The following KAZN variants were observed in gnomAD, a reference collection of about 807,000 sequenced individuals.
KAZN encodes kazrin, periplakin interacting protein, also known as kazrin.
A neutral mutation model predicts 87.4 loss-of-function variants in KAZN; 40 were observed. The ratio of observed to expected loss-of-function variants is 0.46; its 90% CI spans 0.36 to 0.60. The LOEUF is 0.60. KAZN is among the 20% of genes least tolerant of loss of function. The pLI is 0.00. For missense variants in KAZN, 898 were observed against 1,073.9 expected (o/e 0.84, Z 2.29); for synonymous variants, 466 against 458.3 (o/e 1.02, Z -0.22).
intron 2 of KAZN, among the ~76,000 whole-genome samples, chr1:14,254,740 C>T (rs1650350338): frequency 6.6e-6 from 1 of 151,942 alleles, no homozygotes; most frequent in South Asian, 2.1e-4. Context: ...AATTGGCTTA[C>T]GTTTCTGCAG....
At chr1:14,918,260 G>A (rs1379753646) in intron 1 of KAZN, among the ~76,000 whole-genome samples, 1 of 152,134 alleles carries the variant, frequency 6.6e-6, no homozygotes, top group Non-Finnish European at 1.5e-5. Flanking sequence ...AAGAGACTGT[G>A]GCTTCCATCT....
intron 2 of KAZN, among the ~76,000 whole-genome samples, chr1:14,242,853 G>A (rs574340422): frequency 2.6e-5 from 4 of 152,158 alleles, no homozygotes; most frequent in South Asian, 4.2e-4. Context: ...GTAGAATCCC[G>A]GCCCTTGTCC....
At chr1:14,134,389 C>G (rs572084711) in intron 1 of KAZN, among the ~76,000 whole-genome samples, 1 of 152,230 alleles carries the variant, frequency 6.6e-6, no homozygotes, top group Non-Finnish European at 1.5e-5. Flanking sequence ...GTGCAATGGA[C>G]AAGGTATTTT....
At chr1:14,717,555 A>G (rs1196169710) in intron 1 of KAZN, among the ~76,000 whole-genome samples, 1 of 152,096 alleles carries the variant, frequency 6.6e-6, no homozygotes, top group Non-Finnish European at 1.5e-5. Flanking sequence ...CCTGTCTCAT[A>G]GAAGAACACG....
intron 2 of KAZN, among the ~76,000 whole-genome samples, chr1:14,998,937 A>G (rs958240228): frequency 6.6e-6 from 1 of 152,236 alleles, no homozygotes; most frequent in African/African-American, 2.4e-5. Flanking sequence ...ACAGGCTGTC[A>G]GGCTCAAGGA....
intron 1 of KAZN, among the ~76,000 whole-genome samples, chr1:14,904,516 G>A (rs762868713): frequency 6.6e-6 from 1 of 152,134 alleles, no homozygotes; most frequent in Non-Finnish European, 1.5e-5. Context: ...TGTAAGATGC[G>A]GGACGTCCCC....
At chr1:14,743,608 G>A (rs575469031) in intron 1 of KAZN, among the ~76,000 whole-genome samples, 18 of 152,164 alleles carry the variant, frequency 1.2e-4, no homozygotes, top group African/African-American at 2.6e-4. Flanking sequence ...ATAGGTCATC[G>A]CTGGCATTTG....
At chr1:14,078,419 A>G (rs949690228) in intron 1 of KAZN, among the ~76,000 whole-genome samples, 16 of 152,176 alleles carry the variant, frequency 1.1e-4, no homozygotes, top group African/African-American at 3.1e-4. Flanking sequence ...CAGTTTCCCT[A>G]TCTTAAAAAT....
At chr1:14,507,978 T>TTAA (rs1553181516) in intron 2 of KAZN, among the ~76,000 whole-genome samples, 2 of 91,370 alleles carry the variant, frequency 2.2e-5, no homozygotes, top group East Asian at 4.7e-4. Context: ...AAAAAATAAA[T>TTAA]AAAAAAAAAA....
At chr1:14,299,256 C>T (rs1313562930) in intron 2 of KAZN, among the ~76,000 whole-genome samples, 1 of 152,006 alleles carries the variant, frequency 6.6e-6, no homozygotes, top group Non-Finnish European at 1.5e-5. Context: ...TAATCCCAGC[C>T]CTTTGGGAGG....
At chr1:15,109,755 GTTTGTGTC>G (rs1641429403) in intron 13 of KAZN, among the ~76,000 whole-genome samples, 2 of 126,564 alleles carry the variant, frequency 1.6e-5, no homozygotes, top group Non-Finnish European at 3.4e-5. Flanking sequence ...GTGTTTGTAT[GTTTGTGTC>G]TGTATGTCTG....
intron 1 of KAZN, among the ~76,000 whole-genome samples, chr1:14,644,823 A>G (rs1163479181): frequency 6.6e-6 from 1 of 151,946 alleles, no homozygotes; most frequent in Non-Finnish European, 1.5e-5. Context: ...CCATTTGTCA[A>G]TTTTTGCTTT....
chr1:14,319,541 G>A (rs974202367), intron 2 of KAZN, among the ~76,000 whole-genome samples: 1 of 152,140 alleles, frequency 6.6e-6, no homozygotes, highest in Non-Finnish European at 1.5e-5. Flanking sequence ...TTTTTCTGTA[G>A]AGCCCCGTTC....
At chr1:14,931,650 G>C (rs1057225788) in intron 1 of KAZN, among the ~76,000 whole-genome samples, 3 of 152,146 alleles carry the variant, frequency 2.0e-5, no homozygotes, top group African/African-American at 7.2e-5. Context: ...CAAGTACCCT[G>C]CGTAATTTTG....
At chr1:14,096,660 G>A (rs577430323) in intron 1 of KAZN, among the ~76,000 whole-genome samples, 2 of 152,328 alleles carry the variant, frequency 1.3e-5, no homozygotes, top group East Asian at 3.9e-4. Flanking sequence ...TCAGAATATA[G>A]GAGAGGGCAC....
intron 2 of KAZN, among the ~76,000 whole-genome samples, chr1:14,344,911 C>T (rs947589940): frequency 2.6e-5 from 4 of 151,098 alleles, no homozygotes; most frequent in Non-Finnish European, 5.9e-5. Flanking sequence ...ATTGCCATCC[C>T]CTCTTCTTTT....
At chr1:14,176,477 C>A (rs769209790) in intron 1 of KAZN, among the ~76,000 whole-genome samples, 41 of 152,212 alleles carry the variant, frequency 2.7e-4, no homozygotes, top group Non-Finnish European at 5.1e-4. Context: ...CATGAGGGAA[C>A]TTCTGTTTTC....
At chr1:14,112,239 T>C (rs1260854219) in intron 1 of KAZN, among the ~76,000 whole-genome samples, 1 of 134,056 alleles carries the variant, frequency 7.5e-6, no homozygotes, top group Non-Finnish European at 1.6e-5. Flanking sequence ...GTCCCACTTA[T>C]TTGCTGTCTT....
At chr1:14,165,658 AAAGAACAGTCTGTTGTCATC>A (rs1348899779) in intron 1 of KAZN, among the ~76,000 whole-genome samples, 1 of 152,196 alleles carries the variant, frequency 6.6e-6, no homozygotes, top group East Asian at 1.9e-4. Flanking sequence ...TCTGAGAAGA[AAAGAACAGTCTGTTGTCATC>A]AGCACCCTCA....
Sources: allele counts gnomAD v4.1 joint callset (sites outside exome capture counted in the v4.1 genomes callset), GRCh38; gene constraint gnomAD v4.1.1; transcripts MANE v1.5; gene names NCBI Gene and HGNC (gene_info 2026-07-23, HGNC 2026-07-21).